SPEF2: variants seen among roughly 807,000 people sequenced by gnomAD.
SPEF2 encodes sperm flagella and cilia-associated protein 2.
SPEF2 carries 187 observed loss-of-function variants against 224.6 expected under a neutral mutation model. The observed-to-expected ratio is 0.83, with a 90% CI of 0.74 to 0.94. The LOEUF (loss-of-function observed/expected upper bound fraction) is 0.94. Among genes scored for constraint, SPEF2 ranks in the 40% least tolerant of loss-of-function variants. The pLI, the probability that SPEF2 is intolerant of heterozygous loss-of-function variation, is 0.00. For synonymous variants in SPEF2, 715 were observed against 707.3 expected, an observed-to-expected ratio of 1.01 and a Z score of -0.17; for missense variants, 2,170 against 2,135.6, an observed-to-expected ratio of 1.02 and a Z score of -0.32.
chr5:35,751,105 A>G (rs1749572007), intron 23 of SPEF2, among the ~76,000 whole-genome samples: 1 of 71,732 alleles, frequency 1.4e-5, no homozygotes, highest in Non-Finnish European at 3.1e-5. Context: ...ACATATATAT[A>G]TATATATATA....
At chr5:35,771,895 C>A in intron 27 of SPEF2, 139 bp downstream of exon 27, 1 of 1,096,718 alleles carries the variant, frequency 9.1e-7, no homozygotes, top group Non-Finnish European at 1.2e-6. Context: ...ACCCGGGCTT[C>A]TATGATTTGT....
Position 35,807,260 on chromosome 5 carries a change from A to T in SPEF2, c.5379+7A>T, listed in dbSNP as rs1758197089. 6.2e-7 allele frequency: 1 copy of T among 1,609,810 alleles called. No individual in the cohort carries two copies. Among genetic ancestry groups the T allele is most frequent in the African/African-American group, 1.3e-5 (1 of 74,708 alleles). On this transcript the variant is annotated splice_region_variant and intron_variant, in intron 36 of 36. Coordinates refer to ENST00000356031, the MANE Select transcript of SPEF2 (RefSeq NM_024867.4). ...TTCAGACTATAAGTTTCCTGTGAGT[A>T]TTACCCCAAAGTGCTCTAATTTGGT...
chr5:35,740,832 C>T (rs1747488589), intron 23 of SPEF2, among the ~76,000 whole-genome samples: 1 of 152,142 alleles, frequency 6.6e-6, no homozygotes, highest in African/African-American at 2.4e-5. Flanking sequence ...AAAGGGGCCT[C>T]TGATGTACAA....
At chr5:35,786,570 G>A (rs568902291) in intron 30 of SPEF2, among the ~76,000 whole-genome samples, 8 of 152,262 alleles carry the variant, frequency 5.3e-5, no homozygotes, top group Admixed American at 3.9e-4. Flanking sequence ...TGAGACAGGA[G>A]AATTGCTTGA....
chr5:35,744,597 GCC>G lies in SPEF2; in HGVS notation c.3330+4332_3330+4333del, dbSNP rs1280220570. ...AAGAACTAGAATCAAGGTCTCCAGA[GCC>G]CTGCTTTTGTGCTTTTTCCTCTGCT... On this transcript the variant is annotated intron_variant, in intron 23 of 36. Transcript: ENST00000356031. Among the ~76,000 whole-genome samples the G allele has an allele frequency of 8.5e-5, 13 of 152,260 alleles. No homozygotes were observed. In the East Asian group the frequency reaches 2.5e-3, roughly 29 times the overall value.
intron 23 of SPEF2, among the ~76,000 whole-genome samples, chr5:35,741,392 C>T (rs897420056): frequency 5.3e-5 from 8 of 152,198 alleles, no homozygotes; most frequent in Non-Finnish European, 8.8e-5. Context: ...AAAGCAAGAG[C>T]GATGGCACTG....
chr5:35,700,481 C>G lies in SPEF2; in HGVS notation c.2142-15C>G. 6.2e-7 allele frequency: 1 copy of G among 1,602,958 alleles called. No individual in the cohort carries two copies. Among genetic ancestry groups the G allele is most frequent in the South Asian group, 1.1e-5 (1 of 90,274 alleles). On this transcript the variant is annotated splice_polypyrimidine_tract_variant and intron_variant, in intron 15 of 36. Transcript: ENST00000356031. ...GTCTAACAAAATATTCATGAGTTGT[C>G]CTGTTTCAATTTAGTGAGATACCTG...
intron 2 of SPEF2, among the ~76,000 whole-genome samples, chr5:35,629,151 CTTTTTTTTTT>C (rs768077049): frequency 4.5e-4 from 40 of 88,322 alleles, no homozygotes; most frequent in African/African-American, 2.2e-3. Context: ...TCGATTGTTC[CTTTTTTTTTT>C]TTTTTTTTTT....
intron 16 of SPEF2, among the ~76,000 whole-genome samples, chr5:35,701,579 C>T (rs759273842): frequency 6.6e-6 from 1 of 152,062 alleles, no homozygotes; most frequent in Non-Finnish European, 1.5e-5. Context: ...CCTCTTGGAC[C>T]CTTGGGGGTA....
intron 20 of SPEF2, among the ~76,000 whole-genome samples, chr5:35,716,768 GCAGGTGAACAC>G (rs1561252706): frequency 6.6e-6 from 1 of 152,036 alleles, no homozygotes; most frequent in Non-Finnish European, 1.5e-5. Context: ...TAACTCCATT[GCAGGTGAACAC>G]CATTAATTGT....
intron 30 of SPEF2, chr5:35,781,227 G>C (rs1266456026): frequency 6.6e-6 from 1 of 151,938 alleles, no homozygotes; most frequent in Non-Finnish European, 1.5e-5. Flanking sequence ...ATTTGAAAAG[G>C]CAAGCAAAGA....
chr5:35,649,345 T>C lies in SPEF2; in HGVS notation c.727-16T>C. ...GTTTTTAGAGGCAGAGAACTGATGATGAATTTTCTTTAAAGGATGTGGCTG... is the reference window on the plus strand; with the variant it reads ...GTTTTTAGAGGCAGAGAACTGATGACGAATTTTCTTTAAAGGATGTGGCTG... On this transcript the variant is annotated splice_polypyrimidine_tract_variant and intron_variant, in intron 5 of 36. Transcript: ENST00000356031. The C allele has an allele frequency of 6.2e-7, 1 of 1,602,526 alleles. No individual in the cohort carries two copies. The highest frequency in any genetic ancestry group is 1.7e-5 in the Admixed American group (1 of 58,424).
At chr5:35,776,045 T>C (rs947575545) in intron 28 of SPEF2, among the ~76,000 whole-genome samples, 11 of 152,234 alleles carry the variant, frequency 7.2e-5, no homozygotes, top group Admixed American at 4.6e-4. Flanking sequence ...AGCTCAATTA[T>C]AGTTTTGGTT....
At chr5:35,740,898 C>G (rs537531666) in intron 23 of SPEF2, among the ~76,000 whole-genome samples, 1 of 152,140 alleles carries the variant, frequency 6.6e-6, no homozygotes, top group Non-Finnish European at 1.5e-5. Flanking sequence ...GACACACCCC[C>G]CCTTATCCCA....
At chr5:35,667,975 T>A (rs914012560) in intron 9 of SPEF2, among the ~76,000 whole-genome samples, 1 of 152,070 alleles carries the variant, frequency 6.6e-6, no homozygotes, top group African/African-American at 2.4e-5. Flanking sequence ...ATTACACACC[T>A]ATAAGAATGG....
At chr5:35,715,219 T>A (rs1027535540) in intron 20 of SPEF2, among the ~76,000 whole-genome samples, 7 of 151,920 alleles carry the variant, frequency 4.6e-5, no homozygotes, top group Non-Finnish European at 1.0e-4. Flanking sequence ...CCCTGGCCAA[T>A]TTTAAGTTTT....
chr5:35,755,215 A>C (rs1453061723), intron 24 of SPEF2, among the ~76,000 whole-genome samples: 1 of 152,250 alleles, frequency 6.6e-6, no homozygotes, highest in Non-Finnish European at 1.5e-5. Context: ...TCCACATGGC[A>C]TGGGTTGTAT....
chr5:35,775,525 G>T (rs1356139286), intron 28 of SPEF2, among the ~76,000 whole-genome samples: 1 of 152,092 alleles, frequency 6.6e-6, no homozygotes, highest in African/African-American at 2.4e-5. Flanking sequence ...CCACACCATG[G>T]AGGGTTATCT....
At chr5:35,753,394 G>A (rs1035532877) in intron 23 of SPEF2, among the ~76,000 whole-genome samples, 2 of 152,156 alleles carry the variant, frequency 1.3e-5, no homozygotes, top group South Asian at 4.1e-4. Flanking sequence ...GTGGGTTTTT[G>A]GTAGACATAG....
Sources: gnomAD v4.1 joint callset for allele counts (sites outside exome capture counted in the v4.1 genomes callset) on GRCh38, gnomAD v4.1.1 for gene constraint, MANE v1.5 for transcripts, NCBI Gene and HGNC (gene_info 2026-07-23, HGNC 2026-07-21) for gene names.